Variants in GRIK2 observed in about 807,000 individuals in gnomAD.
The protein encoded by GRIK2 is glutamate ionotropic receptor kainate type subunit 2.
GRIK2 carries 32 observed loss-of-function variants against 100.3 expected under a neutral mutation model. The observed-to-expected ratio is 0.32, with a 90% CI of 0.24 to 0.43. GRIK2 has a LOEUF of 0.43. Among genes scored for constraint, GRIK2 ranks in the 20% least tolerant of loss-of-function variants. The pLI is 1.00. For synonymous variants in GRIK2, 417 were observed against 389.4 expected, an observed-to-expected ratio of 1.07 and a Z score of -0.83; for missense variants, 843 against 1,114.9, an observed-to-expected ratio of 0.76 and a Z score of 3.47.
At position 102,045,767 on chromosome 6, in the gene GRIK2, C is replaced by CCATAT. The variant is rs200179402; in HGVS notation, c.2312-9557_2312-9553dup. Among the ~76,000 whole-genome samples, 398 of 151,986 alleles carry CCATAT rather than the reference C, an allele frequency of 2.6e-3. 1 individual carries two copies. The highest frequency in any genetic ancestry group is 9.1e-3 in the African/African-American group (376 of 41,474). ...CCAAGAGAGCATATGACAAGATGCT[C>CCATAT]CATATCATATGTCATAAAAGAAATG... On this transcript the variant is annotated intron_variant, in intron 15 of 16. Coordinates refer to ENST00000369134, the MANE Select transcript of GRIK2 (RefSeq NM_021956.5).
chr6:101,688,062 T>G (rs1771831284), intron 7 of GRIK2, among the ~76,000 whole-genome samples: 1 of 147,158 alleles, frequency 6.8e-6, no homozygotes. Context: ...TTTTATATAA[T>G]ATATAAAAAT....
At chr6:101,405,649 A>G (rs1388697800) in intron 2 of GRIK2, among the ~76,000 whole-genome samples, 6 of 152,180 alleles carry the variant, frequency 3.9e-5, no homozygotes, top group African/African-American at 1.2e-4. Flanking sequence ...TGAAACTTCT[A>G]TATTCAGATT....
intron 2 of GRIK2, among the ~76,000 whole-genome samples, chr6:101,493,926 T>A (rs1241824272): frequency 7.7e-6 from 1 of 129,472 alleles, no homozygotes; most frequent in Non-Finnish European, 1.7e-5. Flanking sequence ...TATATATATT[T>A]TATATATAAT....
At chr6:101,813,551 T>C (rs1366551205) in intron 9 of GRIK2, among the ~76,000 whole-genome samples, 1 of 152,214 alleles carries the variant, frequency 6.6e-6, no homozygotes, top group Admixed American at 6.5e-5. Context: ...CAAAAAAAGA[T>C]AGTTTTGAAT....
intron 2 of GRIK2, among the ~76,000 whole-genome samples, chr6:101,485,040 C>A (rs1772745122): frequency 6.6e-6 from 1 of 152,096 alleles, no homozygotes; most frequent in Non-Finnish European, 1.5e-5. Flanking sequence ...CATCAAATAC[C>A]TTTGACTTTA....
In GRIK2 at chr6:101,984,655, A is replaced by ACACACACACC. The variant is rs369665252; in HGVS notation, c.2086-50685_2086-50684insACACACACCC. Among the ~76,000 whole-genome samples, 534 of 148,722 alleles carry ACACACACACC rather than the reference A, an allele frequency of 3.6e-3. 2 individuals are homozygous for ACACACACACC. Among genetic ancestry groups the ACACACACACC allele is most frequent in the African/African-American group, 0.01 (408 of 40,228 alleles). ...CACACACACACACACACACACACAC[A>ACACACACACC]CCCTTCAACTTTAACAGCATCTTTT... On this transcript the variant is annotated intron_variant, in intron 14 of 16. Coordinates refer to ENST00000369134, the MANE Select transcript of GRIK2 (RefSeq NM_021956.5).
At chr6:101,817,193 C>T (rs988572788) in intron 9 of GRIK2, among the ~76,000 whole-genome samples, 1 of 151,888 alleles carries the variant, frequency 6.6e-6, no homozygotes, top group African/African-American at 2.4e-5. Context: ...CTTCCTAACA[C>T]CAACATCAGG....
chr6:102,020,674 T>C (rs1204689135), intron 14 of GRIK2, among the ~76,000 whole-genome samples: 2 of 151,846 alleles, frequency 1.3e-5, no homozygotes, highest in Admixed American at 1.3e-4. Context: ...TAGGTGAAGG[T>C]TCGAAAGCCT....
rs193121352 is a variant in GRIK2 at position 101,940,349 on chromosome 6, A to T, written c.2085+11717A>T. 1.7e-3 allele frequency among the ~76,000 whole-genome samples: 253 copies of T among 152,186 alleles called. 1 individual carries two copies. The highest frequency in any genetic ancestry group is 5.3e-3 in the African/African-American group (219 of 41,548). On this transcript the variant is annotated intron_variant, in intron 14 of 16. Coordinates refer to ENST00000369134, the MANE Select transcript of GRIK2 (RefSeq NM_021956.5). ...ACAATTGCAAGTGGCCCTTTCATTG[A>T]TTTTTATTACCAATGCCAGAGTGTA...
intron 2 of GRIK2, among the ~76,000 whole-genome samples, chr6:101,604,182 G>A (rs1779347619): frequency 6.6e-6 from 1 of 151,696 alleles, no homozygotes; most frequent in East Asian, 1.9e-4. Context: ...TTAAAAAGCA[G>A]ATTGAACCCT....
At chr6:101,717,804 C>G (rs749623681) in intron 7 of GRIK2, among the ~76,000 whole-genome samples, 31 of 151,648 alleles carry the variant, frequency 2.0e-4, no homozygotes, top group Non-Finnish European at 3.5e-4. Flanking sequence ...AAATCTTTAT[C>G]CTCTAGCAAT....
chr6:102,027,351 G>A (rs13219613), intron 14 of GRIK2, among the ~76,000 whole-genome samples: 41,263 of 150,894 alleles, frequency 0.27, 6,006 homozygotes, highest in East Asian at 0.34. Flanking sequence ...TATTTAGGAG[G>A]TAAAACTTTT....
At chr6:101,967,638 C>CT (rs909317681) in intron 14 of GRIK2, among the ~76,000 whole-genome samples, 23 of 152,160 alleles carry the variant, frequency 1.5e-4, no homozygotes, top group Non-Finnish European at 3.2e-4. Flanking sequence ...CAACCAAAAA[C>CT]TTTCTAGTCC....
At chr6:101,624,241 T>C (rs1780319243) in intron 3 of GRIK2, among the ~76,000 whole-genome samples, 1 of 152,100 alleles carries the variant, frequency 6.6e-6, no homozygotes, top group African/African-American at 2.4e-5. Flanking sequence ...TCTAAATAAC[T>C]TAATTCAGTG....
intron 2 of GRIK2, among the ~76,000 whole-genome samples, chr6:101,550,670 G>A (rs1204984197): frequency 1.3e-5 from 2 of 152,142 alleles, no homozygotes; most frequent in Non-Finnish European, 2.9e-5. Context: ...TTACAGTGGG[G>A]AATTAAATAT....
chr6:101,915,674 T>C (rs910291300), intron 12 of GRIK2, among the ~76,000 whole-genome samples: 1 of 151,386 alleles, frequency 6.6e-6, no homozygotes, highest in Non-Finnish European at 1.5e-5. Flanking sequence ...ATATGGATAT[T>C]ATAAAAGAAT....
At chr6:101,943,921 G>T (rs1791110919) in intron 14 of GRIK2, among the ~76,000 whole-genome samples, 1 of 152,170 alleles carries the variant, frequency 6.6e-6, no homozygotes, top group African/African-American at 2.4e-5. Flanking sequence ...TTTGGGAGGG[G>T]AAAGGGTGGA....
intron 2 of GRIK2, among the ~76,000 whole-genome samples, chr6:101,570,791 G>A (rs539814773): frequency 4.9e-4 from 75 of 152,254 alleles, no homozygotes; most frequent in African/African-American, 1.7e-3. Flanking sequence ...CAGGGCCTTG[G>A]ATGGGAGTCT....
At chr6:101,821,318 T>G (rs1230053930) in intron 10 of GRIK2, among the ~76,000 whole-genome samples, 4 of 152,294 alleles carry the variant, frequency 2.6e-5, no homozygotes, top group Non-Finnish European at 5.9e-5. Flanking sequence ...AATTTTATCT[T>G]CATATCAGAG....
Sources: allele counts gnomAD v4.1 joint callset (sites outside exome capture counted in the v4.1 genomes callset), GRCh38; gene constraint gnomAD v4.1.1; transcripts MANE v1.5; gene names NCBI Gene and HGNC (gene_info 2026-07-23, HGNC 2026-07-21).